The following GLIS1 variants were observed in gnomAD, a reference collection of about 807,000 sequenced individuals.
The protein encoded by GLIS1 is zinc finger protein GLIS1.
GLIS1 carries 24 observed loss-of-function variants against 63.8 expected under a neutral mutation model. The ratio of observed to expected loss-of-function variants is 0.38; its 90% CI spans 0.27 to 0.53. The LOEUF is 0.53. Ranked by LOEUF, GLIS1 falls within the 20% of genes least tolerant of loss-of-function variation. The pLI is 0.85. For synonymous variants in GLIS1, 450 were observed against 482.5 expected (o/e 0.93, Z 0.88); for missense variants, 1,036 against 1,074.1 (o/e 0.96, Z 0.50).
intron 2 of GLIS1, among the ~76,000 whole-genome samples, chr1:53,672,981 C>T (rs778108445): frequency 6.6e-6 from 1 of 152,210 alleles, no homozygotes; most frequent in East Asian, 1.9e-4. Flanking sequence ...CAGACTGTCC[C>T]CAGGTCTCTG....
intron 2 of GLIS1, among the ~76,000 whole-genome samples, chr1:53,663,303 A>G (rs538910298): frequency 6.6e-6 from 1 of 152,334 alleles, no homozygotes; most frequent in African/African-American, 2.4e-5. Context: ...GCAGGCAGGC[A>G]TCAGTGAGTT....
intron 2 of GLIS1, among the ~76,000 whole-genome samples, chr1:53,701,443 C>T (rs767077637): frequency 6.6e-5 from 10 of 152,202 alleles, no homozygotes; most frequent in Non-Finnish European, 1.0e-4. Flanking sequence ...AGCTGTCCAA[C>T]GCCCTCCTCC....
At chr1:53,546,518 T>C (rs560428486) in intron 4 of GLIS1, among the ~76,000 whole-genome samples, 1 of 152,332 alleles carries the variant, frequency 6.6e-6, no homozygotes, top group African/African-American at 2.4e-5. Flanking sequence ...TCTCTGGTCC[T>C]GGAGGTGTCT....
chr1:53,549,952 C>T (rs1024330216), intron 4 of GLIS1, among the ~76,000 whole-genome samples: 1 of 152,172 alleles, frequency 6.6e-6, no homozygotes, highest in Non-Finnish European at 1.5e-5. Context: ...AGGTCACGCC[C>T]ACCCTTGAGC....
At chr1:53,592,802 C>T (rs1457541199) in intron 4 of GLIS1, among the ~76,000 whole-genome samples, 1 of 152,278 alleles carries the variant, frequency 6.6e-6, no homozygotes, top group African/African-American at 2.4e-5. Context: ...TTCACTGCTG[C>T]TCACTTGTTT....
At chr1:53,612,124 A>G (rs563109991) in intron 2 of GLIS1, among the ~76,000 whole-genome samples, 7 of 152,180 alleles carry the variant, frequency 4.6e-5, no homozygotes, top group Non-Finnish European at 1.0e-4. Context: ...AAACCATCAC[A>G]CCTAGCCCAC....
At chr1:53,698,014 T>C (rs1336110281) in intron 2 of GLIS1, among the ~76,000 whole-genome samples, 1 of 152,146 alleles carries the variant, frequency 6.6e-6, no homozygotes. Context: ...TGTCTCCACA[T>C]CCGTTTCCTG....
chr1:53,713,815 A>C (rs574950786), intron 2 of GLIS1, among the ~76,000 whole-genome samples: 8 of 152,218 alleles, frequency 5.3e-5, no homozygotes, highest in Admixed American at 5.2e-4. Context: ...AGTAAAGGAA[A>C]GAGATAAAGG....
At chr1:53,662,448 C>T (rs1646038934) in intron 2 of GLIS1, among the ~76,000 whole-genome samples, 1 of 152,072 alleles carries the variant, frequency 6.6e-6, no homozygotes, top group South Asian at 2.1e-4. Flanking sequence ...GTTATCATTG[C>T]CATTATCATG....
intron 2 of GLIS1, among the ~76,000 whole-genome samples, chr1:53,616,846 G>T (rs1481864738): frequency 6.6e-6 from 1 of 152,170 alleles, no homozygotes; most frequent in African/African-American, 2.4e-5. Flanking sequence ...CTGTGGAAAA[G>T]ATTATTTGTT....
chr1:53,617,257 C>CAA (rs35023116), intron 2 of GLIS1, among the ~76,000 whole-genome samples: 80,247 of 151,914 alleles, frequency 0.53, 24,072 homozygotes, highest in Non-Finnish European at 0.66. Context: ...CAGGGATGGC[C>CAA]AACTCACCAC....
chr1:53,518,976 G>A (rs903211802), intron 7 of GLIS1, among the ~76,000 whole-genome samples: 7 of 152,200 alleles, frequency 4.6e-5, no homozygotes, highest in African/African-American at 1.7e-4. Flanking sequence ...AAAACTGACG[G>A]GGTAGGTACA....
chr1:53,709,429 C>CATATATAT (rs1557534600), intron 2 of GLIS1, among the ~76,000 whole-genome samples: 2 of 135,854 alleles, frequency 1.5e-5, no homozygotes, highest in Admixed American at 7.2e-5. Context: ...CACACACACA[C>CATATATAT]ACACACACAC....
chr1:53,736,522 G>C (rs1406199802), intron 2 of GLIS1, among the ~76,000 whole-genome samples: 1 of 152,088 alleles, frequency 6.6e-6, no homozygotes, highest in East Asian at 1.9e-4. Context: ...CTCATGTCTC[G>C]CTGCGCAGCG....
chr1:53,738,180 G>T, intron 1 of GLIS1, 74 bp from the exon 2 acceptor site: 1 of 862,592 alleles, frequency 1.2e-6, no homozygotes, highest in Non-Finnish European at 1.5e-6. Context: ...CCGAGTTTGA[G>T]CAGGTCACTG....
chr1:53,703,479 AT>A (rs1469438090), intron 2 of GLIS1, among the ~76,000 whole-genome samples: 7 of 152,128 alleles, frequency 4.6e-5, no homozygotes, highest in African/African-American at 9.7e-5. Context: ...TCTAAAAAAA[AT>A]AAATAAAAAT....
At position 53,539,538 on chromosome 1, in the gene GLIS1, C is replaced by T. The variant is rs1302715288; in HGVS notation, c.1321-9586G>A. 6.9e-5 allele frequency among the ~76,000 whole-genome samples: 4 copies of T among 58,184 alleles called. No individual in the cohort carries two copies. Among genetic ancestry groups the T allele is most frequent in the African/African-American group, 1.0e-4 (2 of 19,502 alleles). 38.2% of individuals were successfully genotyped at this position (58,184 alleles called of 152,430 possible). On this transcript the variant is annotated intron_variant, in intron 4 of 10. Transcript: ENST00000628545. The surrounding 1 kb of genome is among the most constrained non-coding windows in gnomAD (Gnocchi z 5.0). ...CCACACCACACACACACATACCACACGGTATACACCCCCCCACACACACTA... is the reference window on the plus strand; with the variant it reads ...CCACACCACACACACACATACCACATGGTATACACCCCCCCACACACACTA...
At chr1:53,667,126 G>A (rs1331000263) in intron 2 of GLIS1, among the ~76,000 whole-genome samples, 2 of 152,174 alleles carry the variant, frequency 1.3e-5, no homozygotes, top group Non-Finnish European at 1.5e-5. Flanking sequence ...AAAGAGATTC[G>A]AAGGACTAAA....
intron 2 of GLIS1, among the ~76,000 whole-genome samples, chr1:53,722,516 C>T (rs1416984087): frequency 1.3e-5 from 2 of 152,146 alleles, no homozygotes; most frequent in African/African-American, 2.4e-5. Flanking sequence ...AATGTATCAC[C>T]TATTCAAAAT....
Sources: gnomAD v4.1 joint callset for allele counts (sites outside exome capture counted in the v4.1 genomes callset) on GRCh38, gnomAD v4.1.1 for gene constraint, Gnocchi (gnomAD v3.1) non-coding constraint, MANE v1.5 for transcripts, NCBI Gene and HGNC (gene_info 2026-07-23, HGNC 2026-07-21) for gene names.